The following CDCA2 variants were observed in gnomAD, a reference collection of about 807,000 sequenced individuals.
CDCA2 encodes the protein cell division cycle associated 2.
CDCA2 carries 44 observed loss-of-function variants against 67.0 expected under a neutral mutation model. The observed-to-expected ratio is 0.66, with a 90% CI of 0.52 to 0.84. The LOEUF is 0.84. Among genes scored for constraint, CDCA2 ranks in the 40% least tolerant of loss-of-function variants. CDCA2 has a pLI of 0.00. For missense variants in CDCA2, 1,253 were observed against 1,203.2 expected, an observed-to-expected ratio of 1.04 and a Z score of -0.61; for synonymous variants, 447 against 418.7, an observed-to-expected ratio of 1.07 and a Z score of -0.82.
intron 3 of CDCA2, among the ~76,000 whole-genome samples, chr8:25,461,206 A>ACC (rs1271071082): frequency 6.9e-5 from 10 of 145,124 alleles, no homozygotes; most frequent in African/African-American, 2.5e-4. Flanking sequence ...GGCAGAGGTT[A>ACC]CCGTGAGTCG....
Position 25,468,276 on chromosome 8 carries a change from A to T in CDCA2, c.598A>T (p.Lys200Ter). Residue 200 changes from lysine (K) to a stop codon, truncating the protein, a stop_gained, in exon 6 of 15, where the codon AAA becomes TAA. Coordinates refer to ENST00000330560, the MANE Select transcript of CDCA2 (RefSeq NM_152562.4). LOFTEE classifies it high-confidence loss of function. ...TGGGTTCCCTGCAGTGTTGTCCTCC[A>T]AACGTCGGAGAATATCCTATCAGAG... Reference protein sequence around the residue: ...QSGFPAVLSSKRRRISYQRDS... With the variant: ...QSGFPAVLSS 1 of 1,614,016 alleles carries T rather than the reference A, an allele frequency of 6.2e-7. No homozygotes were observed. The highest frequency in any genetic ancestry group is 8.5e-7 in the Non-Finnish European group (1 of 1,179,930).
chr8:25,498,459 C>CCCA (rs1554526846), intron 13 of CDCA2, among the ~76,000 whole-genome samples: 3 of 120,838 alleles, frequency 2.5e-5, no homozygotes, highest in Non-Finnish European at 5.5e-5. Context: ...CTGCACCCCC[C>CCCA]CCCCGCCCCC....
chr8:25,486,056 A>G (rs1193632265), intron 11 of CDCA2, among the ~76,000 whole-genome samples: 6 of 152,156 alleles, frequency 3.9e-5, no homozygotes, highest in African/African-American at 1.4e-4. Context: ...ACTTCCTCAG[A>G]TGGAATCCCC....
chr8:25,479,114 CTT>C (rs1803467963), intron 7 of CDCA2, among the ~76,000 whole-genome samples: 1 of 152,084 alleles, frequency 6.6e-6, no homozygotes, highest in South Asian at 2.1e-4. Flanking sequence ...CATGCACATA[CTT>C]TTTGTGTATG....
intron 7 of CDCA2, 107 bp from the exon 8 acceptor site, chr8:25,479,806 A>C: frequency 9.6e-7 from 1 of 1,038,468 alleles, no homozygotes; most frequent in Non-Finnish European, 1.4e-6. Flanking sequence ...ATTAGGTTTG[A>C]ATTTCTTCAT....
chr8:25,479,779 C>A, intron 7 of CDCA2, 134 bp from the exon 8 acceptor site: 3 of 757,080 alleles, frequency 4.0e-6, no homozygotes, highest in Non-Finnish European at 6.4e-6. Context: ...CCAGACGTTA[C>A]TGCCCAATCA....
In CDCA2 at chr8:25,497,501, A is replaced by T. The variant is rs556418719; in HGVS notation, c.1672-5872A>T. On this transcript the variant is annotated intron_variant, in intron 13 of 14. Coordinates refer to ENST00000330560, the MANE Select transcript of CDCA2 (RefSeq NM_152562.4). ...TTACATGTGGAATCTTTAAAAAATA[A>T]AAAATAAAAAAAAAAAAAACTCACA... 3.7e-3 allele frequency among the ~76,000 whole-genome samples: 317 copies of T among 86,708 alleles called. 8 individuals are homozygous for T. The highest frequency in any genetic ancestry group is 2.0e-3 in the African/African-American group (63 of 30,868). 56.9% of individuals were successfully genotyped at this position (86,708 alleles called of 152,430 possible).
At chr8:25,495,197 G>A (rs1804165772) in intron 13 of CDCA2, among the ~76,000 whole-genome samples, 1 of 152,122 alleles carries the variant, frequency 6.6e-6, no homozygotes. Flanking sequence ...GAGAGAATGT[G>A]AATGCAAGCT....
chr8:25,471,690 T>G (rs895861802), intron 7 of CDCA2, among the ~76,000 whole-genome samples: 1 of 152,188 alleles, frequency 6.6e-6, no homozygotes, highest in Non-Finnish European at 1.5e-5. Context: ...TTTGCTCTTA[T>G]GGGACTTTGC....
chr8:25,500,951 G>T (rs1804450818), intron 13 of CDCA2, among the ~76,000 whole-genome samples: 1 of 152,132 alleles, frequency 6.6e-6, no homozygotes, highest in Non-Finnish European at 1.5e-5. Flanking sequence ...GCCACCAGAG[G>T]CCATTTTTTT....
chr8:25,480,165 A>G (rs746850693), intron 8 of CDCA2, 41 bp downstream of exon 8: 69 of 1,521,010 alleles, frequency 4.5e-5, no homozygotes, highest in Non-Finnish European at 5.8e-5. Context: ...ATGAATAAAA[A>G]TGCATTTTGC....
At chr8:25,494,307 T>C (rs913960528) in intron 13 of CDCA2, among the ~76,000 whole-genome samples, 5 of 151,630 alleles carry the variant, frequency 3.3e-5, no homozygotes, top group Admixed American at 3.3e-4. Flanking sequence ...TTTCTTAATA[T>C]ATTACTTAAA....
chr8:25,486,701 G>T (rs1191130031), intron 11 of CDCA2, among the ~76,000 whole-genome samples: 1 of 151,188 alleles, frequency 6.6e-6, no homozygotes, highest in Non-Finnish European at 1.5e-5. Flanking sequence ...TATAATCTCA[G>T]CTACTCAGGA....
At chr8:25,468,530 G>GT (rs1803017033) in intron 6 of CDCA2, 117 bp downstream of exon 6, 1 of 322,890 alleles carries the variant, frequency 3.1e-6, no homozygotes, top group Non-Finnish European at 5.4e-6. Context: ...TGTGGTTCCT[G>GT]GGGTGTGTGT....
chr8:25,492,660 GAGA>G (rs1294334244), intron 13 of CDCA2, among the ~76,000 whole-genome samples: 1 of 152,184 alleles, frequency 6.6e-6, no homozygotes, highest in East Asian at 1.9e-4. Context: ...GGGCCCGGAG[GAGA>G]AGAAAAGAGT....
Position 25,485,209 on chromosome 8 carries a change from TA to T in CDCA2, c.1366-547del, listed in dbSNP as rs376947637. Among the ~76,000 whole-genome samples, 275 of 75,340 alleles carry T rather than the reference TA, an allele frequency of 3.7e-3. 1 individual carries two copies. Among genetic ancestry groups the T allele is most frequent in the Middle Eastern group, 8.2e-3 (1 of 122 alleles). 49.4% of individuals were successfully genotyped at this position (75,340 alleles called of 152,430 possible). A position where few individuals can be genotyped will look rare whatever the true frequency, so the allele number is the denominator to read the frequency against. On this transcript the variant is annotated intron_variant, in intron 10 of 14. Transcript: ENST00000330560. ...ATAATAATAATAATAATAATAATAA[TA>T]AAGAAAAAGCATTTAACAAAATATA...
intron 13 of CDCA2, among the ~76,000 whole-genome samples, chr8:25,488,934 A>G (rs914120095): frequency 3.3e-5 from 5 of 152,146 alleles, no homozygotes; most frequent in Admixed American, 1.3e-4. Flanking sequence ...ATTAATAGGC[A>G]CTCAAACCTG....
intron 12 of CDCA2, among the ~76,000 whole-genome samples, chr8:25,487,818 T>C (rs1227659063): frequency 1.3e-5 from 2 of 152,204 alleles, no homozygotes; most frequent in African/African-American, 4.8e-5. Flanking sequence ...ATTTTAATTC[T>C]ATTAGAAGAA....
At chr8:25,497,070 GTTAA>G in intron 13 of CDCA2, among the ~76,000 whole-genome samples, 1 of 152,270 alleles carries the variant, frequency 6.6e-6, no homozygotes, top group South Asian at 2.1e-4. Flanking sequence ...GATGGTGGTA[GTTAA>G]ATTTAGTCTT....
Sources: allele counts gnomAD v4.1 joint callset (sites outside exome capture counted in the v4.1 genomes callset), GRCh38; gene constraint gnomAD v4.1.1; transcripts MANE v1.5; gene names NCBI Gene and HGNC (gene_info 2026-07-23, HGNC 2026-07-21).